The following CCP110 variants were observed in gnomAD, a reference collection of about 807,000 sequenced individuals.
CCP110 encodes centriolar coiled-coil protein of 110 kDa.
Under a neutral mutation model 105.5 loss-of-function variants are expected in CCP110, and 43 were observed. The observed-to-expected ratio is 0.41, with a 90% CI of 0.32 to 0.53. The LOEUF is 0.53. Ranked by LOEUF, CCP110 falls within the 20% of genes least tolerant of loss-of-function variation. The pLI is 0.32. For missense variants in CCP110, 1,016 were observed against 1,189.1 expected (o/e 0.85, Z 2.14); for synonymous variants, 353 against 392.1 (o/e 0.90, Z 1.18).
intron 8 of CCP110, 68 bp from the exon 9 acceptor site, chr16:19,544,729 A>T: frequency 1.2e-6 from 1 of 847,530 alleles, no homozygotes; most frequent in South Asian, 1.5e-5. Flanking sequence ...AGAAAAAGAA[A>T]AAAGCAAACT....
chr16:19,533,954 AT>A (rs1230855636), intron 3 of CCP110, among the ~76,000 whole-genome samples: 1 of 152,196 alleles, frequency 6.6e-6, no homozygotes, highest in East Asian at 1.9e-4. Flanking sequence ...TCCCTATGTA[AT>A]GAGTCTTCAG....
chr16:19,526,121 C>T, intron 1 of CCP110: 1 of 151,964 alleles, frequency 6.6e-6, no homozygotes, highest in East Asian at 1.9e-4. Flanking sequence ...TATACATCTG[C>T]AAGATATAGG....
At chr16:19,541,798 T>C in intron 5 of CCP110, 89 bp from the exon 6 acceptor site, 1 of 619,502 alleles carries the variant, frequency 1.6e-6, no homozygotes, top group African/African-American at 1.9e-5. Flanking sequence ...TGCTGATAAT[T>C]ACATGTACTT....
rs1335050646 is a variant in CCP110, at chr16:19,542,081, C to T, written c.2227+17C>T. 9 of 1,512,744 alleles carry T rather than the reference C, an allele frequency of 5.9e-6. No individual in the cohort carries two copies. The highest frequency in any genetic ancestry group is 8.0e-6 in the Non-Finnish European group (9 of 1,122,072). 93.7% of individuals were successfully genotyped at this position (1,512,744 alleles called of 1,614,324 possible). A position where few individuals can be genotyped will look rare whatever the true frequency, so the allele number is the denominator to read the frequency against. On this transcript the variant is annotated intron_variant, in intron 6 of 14. Transcript: ENST00000381396. ...ATAGTTCTGGTAAATATTTAAAAAT[C>T]CTTTTACATTTGGGAAAGTGATCCT...
chr16:19,527,677 C>T (rs963014941), intron 1 of CCP110, among the ~76,000 whole-genome samples, 190 bp from the exon 2 acceptor site: 1 of 152,054 alleles, frequency 6.6e-6, no homozygotes, highest in Non-Finnish European at 1.5e-5. Context: ...TAAAGTAAAT[C>T]TTAATTGGAC....
chr16:19,530,686 A>G lies in CCP110; in HGVS notation c.142-1730A>G, dbSNP rs1428090884. 4.0e-5 allele frequency among the ~76,000 whole-genome samples: 6 copies of G among 151,498 alleles called. No homozygotes were observed. In the East Asian group the frequency reaches 1.2e-3, roughly 30 times the overall value. On this transcript the variant is annotated intron_variant, in intron 2 of 14. Transcript: ENST00000381396. ...CAACAGAGTGAGACCCTCTCTCAAAAAAAAAAAATGTAATCCCAGCACTTT... is the reference window on the plus strand; with the variant it reads ...CAACAGAGTGAGACCCTCTCTCAAAGAAAAAAAATGTAATCCCAGCACTTT...
At chr16:19,532,301 C>A in intron 2 of CCP110, 115 bp from the exon 3 acceptor site, 2 of 764,024 alleles carry the variant, frequency 2.6e-6, no homozygotes, top group Non-Finnish European at 4.0e-6. Context: ...TGATTTCTTT[C>A]ACTATACATT....
exon 2 of CCP110, chr16:19,527,893 T>C (rs150130211): frequency 9.9e-6 from 16 of 1,613,126 alleles, no homozygotes; most frequent in South Asian, 3.3e-5. Context: ...TGGAGGAGTA[T>C]GAGAAGTTCT....
At chr16:19,545,667 T>G in intron 10 of CCP110, 150 bp from the exon 11 acceptor site, 1 of 587,592 alleles carries the variant, frequency 1.7e-6, no homozygotes, top group Non-Finnish European at 3.0e-6. Flanking sequence ...AGAATTAGAC[T>G]GCTTCAAAAA....
Position 19,542,586 on chromosome 16 carries a change from A to T in CCP110, c.2228-35A>T, listed in dbSNP as rs372514154. 25 of 1,474,410 alleles carry T rather than the reference A, an allele frequency of 1.7e-5. No individual in the cohort carries two copies. The African/African-American group carries it at 3.2e-4, about 19-fold the overall frequency. The allele number at this position is 1,474,410 out of a possible 1,614,324, so 91.3% of individuals were successfully genotyped here. A position where few individuals can be genotyped will look rare whatever the true frequency, so the allele number is the denominator to read the frequency against. On this transcript the variant is annotated intron_variant, in intron 6 of 14. Transcript: ENST00000381396. ...ATGTTCTTCGTATTCTAATTATATG[A>T]CATCAAGTATAATACTATATGTATG...
intron 2 of CCP110, among the ~76,000 whole-genome samples, chr16:19,529,828 T>C (rs1969799059): frequency 6.6e-6 from 1 of 152,222 alleles, no homozygotes; most frequent in Non-Finnish European, 1.5e-5. Flanking sequence ...GATCCAAAGT[T>C]CACAATTAGT....
At chr16:19,536,034 C>T (rs1970039276) in exon 4 of CCP110, 1 of 1,613,786 alleles carries the variant, frequency 6.2e-7, no homozygotes, top group South Asian at 1.1e-5. Flanking sequence ...GTTCCTGCTA[C>T]ATTTCCAAAT....
chr16:19,527,640 C>T (rs1233132351), intron 1 of CCP110, among the ~76,000 whole-genome samples: 2 of 152,032 alleles, frequency 1.3e-5, no homozygotes, highest in East Asian at 1.9e-4. Context: ...GATTTACATG[C>T]AATAATATTC....
exon 5 of CCP110, chr16:19,540,689 G>A (rs2151476400): frequency 6.2e-7 from 1 of 1,613,254 alleles, no homozygotes; most frequent in Non-Finnish European, 8.5e-7. Context: ...CAAGATGTTA[G>A]CTTTTGAAGA....
At chr16:19,542,591 A>G (rs1970325332) in intron 6 of CCP110, 30 bp from the exon 7 acceptor site, 2 of 1,501,092 alleles carry the variant, frequency 1.3e-6, no homozygotes, top group Non-Finnish European at 1.9e-6. Context: ...ATATGACATC[A>G]AGTATAATAC....
intron 4 of CCP110, among the ~76,000 whole-genome samples, chr16:19,539,276 A>T (rs1970193092): frequency 6.7e-6 from 1 of 148,314 alleles, no homozygotes; most frequent in Non-Finnish European, 1.5e-5. Flanking sequence ...GATATAGAAG[A>T]CATACAAATC....
chr16:19,539,802 C>CTTT (rs1163681897), intron 4 of CCP110, among the ~76,000 whole-genome samples: 3 of 141,410 alleles, frequency 2.1e-5, no homozygotes, highest in Non-Finnish European at 3.1e-5. Flanking sequence ...GTGGAAATTT[C>CTTT]TTTTTTTTTT....
At chr16:19,552,048 T>C (rs1276243528) in exon 15 of CCP110, 1 of 152,262 alleles carries the variant, frequency 6.6e-6, no homozygotes, top group African/African-American at 2.4e-5. Context: ...CATGCAGTTA[T>C]ATTTTCTATT....
exon 15 of CCP110, chr16:19,551,603 A>G: frequency 5.4e-6 from 1 of 185,064 alleles, no homozygotes; most frequent in Non-Finnish European, 1.1e-5. Context: ...GATAAGACAA[A>G]TTATAAATAA....
Sources: allele counts gnomAD v4.1 joint callset (sites outside exome capture counted in the v4.1 genomes callset), GRCh38; gene constraint gnomAD v4.1.1; transcripts MANE v1.5; gene names NCBI Gene and HGNC (gene_info 2026-07-23, HGNC 2026-07-21).